The following FAT2 variants were observed in gnomAD, a reference collection of about 807,000 sequenced individuals.
FAT2 encodes FAT atypical cadherin 2, also known as protocadherin Fat 2.
A neutral mutation model predicts 295.3 loss-of-function variants in FAT2; 150 were observed. The observed-to-expected ratio is 0.51, with a 90% CI of 0.44 to 0.58. The LOEUF is 0.58. Ranked by LOEUF, FAT2 falls within the 20% of genes least tolerant of loss-of-function variation. The pLI is 0.00. For missense variants in FAT2, 4,868 were observed against 5,442.7 expected, an observed-to-expected ratio of 0.89 and a Z score of 3.32; for synonymous variants, 2,026 against 2,150.3, an observed-to-expected ratio of 0.94 and a Z score of 1.60.
intron 4 of FAT2, among the ~76,000 whole-genome samples, chr5:151,555,617 G>A (rs945260033): frequency 3.3e-5 from 5 of 152,030 alleles, no homozygotes; most frequent in Admixed American, 1.3e-4. Flanking sequence ...TGATCTGCCC[G>A]CCTCAGCCTC....
In FAT2 at chr5:151,554,648, G is replaced by T. The variant is rs114551196; in HGVS notation, c.3659C>A (p.Pro1220His). The T allele has an allele frequency of 4.3e-4, 696 of 1,613,850 alleles. 2 individuals carry two copies. In the African/African-American group the frequency reaches 7.8e-3, roughly 18 times the overall value. ...CACCCTGGAGGTGGACTTCAGTGAGGGTTCCCCATTGTCCAGCACAGTCAC... is the reference window on the plus strand; with the variant it reads ...CACCCTGGAGGTGGACTTCAGTGAGTGTTCCCCATTGTCCAGCACAGTCAC... ...LEVTVLDNGE[P>H]SLKSTSRVVV... Residue 1220 changes from proline to histidine, a missense_variant, in exon 5 of 24, where the codon CCC (proline) becomes CAC (histidine). Physicochemically the swap from Pro to His is moderately conservative, Grantham distance 77. This residue lies in a region of FAT2 where 3,297 missense variants were observed against 3,669.4 expected (regional missense o/e 0.90). Transcript: ENST00000261800.
chr5:151,585,275 CT>C (rs1290795618), intron 1 of FAT2, among the ~76,000 whole-genome samples: 3 of 152,212 alleles, frequency 2.0e-5, no homozygotes, highest in African/African-American at 7.2e-5. Context: ...GGAATGTCTG[CT>C]TTTTGTGCCA....
At chr5:151,591,634 ACAG>A (rs964467232), upstream of FAT2, among the ~76,000 whole-genome samples, 34 of 123,376 alleles carry the variant, frequency 2.8e-4, no homozygotes, top group African/African-American at 1.0e-3. Context: ...GGCTGTCAGA[ACAG>A]TAGTGTTCTC....
At chr5:151,571,393 C>T (rs1435695395) in intron 1 of FAT2, among the ~76,000 whole-genome samples, 2 of 152,344 alleles carry the variant, frequency 1.3e-5, no homozygotes, top group East Asian at 3.9e-4. Context: ...GCCTCCCAGC[C>T]CTGCCTGCCC....
chr5:151,523,129 T>C (rs1160473368), intron 18 of FAT2, among the ~76,000 whole-genome samples: 2 of 152,106 alleles, frequency 1.3e-5, no homozygotes, highest in Non-Finnish European at 2.9e-5. Flanking sequence ...TCCAACACTT[T>C]TAATGTACAA....
At position 151,550,666 on chromosome 5, in the gene FAT2, G is replaced by C. The variant is rs751662168; in HGVS notation, c.4502C>G (p.Pro1501Arg). 1 of 1,614,206 alleles carries C rather than the reference G, an allele frequency of 6.2e-7. No homozygotes were observed. The highest frequency in any genetic ancestry group is 8.5e-7 in the Non-Finnish European group (1 of 1,180,034). The change falls in exon 8 of 24, where the codon CCA becomes CGA. Residue 1501 changes from proline to arginine, a missense_variant. Physicochemically the swap from Pro to Arg is moderately radical, Grantham distance 103. This residue lies in a region of FAT2 where 3,297 missense variants were observed against 3,669.4 expected (regional missense o/e 0.90). Coordinates refer to ENST00000261800, the MANE Select transcript of FAT2 (RefSeq NM_001447.3). ...CACCGTTACCAGGACACCACTGCTT[G>C]GGTCCAGCTGGAAGAGGCTGGCACT... Reference protein sequence around the residue: ...PGSASLFQLDPSSGVLVTVGK... With the variant: ...PGSASLFQLDRSSGVLVTVGK...
intron 21 of FAT2, chr5:151,511,964 T>C (rs1474119339): frequency 3.4e-6 from 2 of 589,426 alleles, no homozygotes; most frequent in African/African-American, 3.7e-5. Flanking sequence ...AGTAGAAAGA[T>C]AGTTTTTGTT....
chr5:151,515,043 T>C (rs1190377891), intron 20 of FAT2, among the ~76,000 whole-genome samples: 2 of 152,184 alleles, frequency 1.3e-5, no homozygotes, highest in Non-Finnish European at 2.9e-5. Context: ...TTCTTTCCTG[T>C]CCCTTTTCCG....
intron 1 of FAT2, among the ~76,000 whole-genome samples, chr5:151,586,493 T>C (rs1759175301): frequency 6.6e-6 from 1 of 152,218 alleles, no homozygotes; most frequent in South Asian, 2.1e-4. Flanking sequence ...TTTCAGAAGA[T>C]AATTTGTTAA....
At chr5:151,591,042 T>G (rs1040779474) in intron 1 of FAT2, among the ~76,000 whole-genome samples, 123 bp downstream of exon 1, 12 of 152,196 alleles carry the variant, frequency 7.9e-5, no homozygotes, top group African/African-American at 2.4e-4. Flanking sequence ...GTTCCAGCCA[T>G]CTCCTGCTTC....
chr5:151,567,770 G>A lies in FAT2; in HGVS notation c.1162C>T (p.Pro388Ser), dbSNP rs1758347240. 1 of 1,614,024 alleles carries A rather than the reference G, an allele frequency of 6.2e-7. No homozygotes were observed. The highest frequency in any genetic ancestry group is 1.1e-5 in the South Asian group (1 of 91,086). The change falls in exon 2 of 24, where the codon CCA becomes TCA. Residue 388 changes from proline to serine, a missense_variant. By Grantham distance (74) the Pro-to-Ser change is moderately conservative. Transcript: ENST00000261800. ...GSRVVMVRVT[P>S]AFPNLQYVLK... ...ACATACTGCAGGTTGGGGAAGGCTG[G>A]GGTGACTCTCACCATCACCACGCGG...
rs1181018561 is a variant in FAT2, at chr5:151,534,968, AAAATATATAT to A, written c.9194-336_9194-327del. 2.3e-4 allele frequency among the ~76,000 whole-genome samples: 12 copies of A among 52,712 alleles called. 1 individual carries two copies. Among genetic ancestry groups the A allele is most frequent in the South Asian group, 1.0e-3 (1 of 962 alleles). The allele number at this position is 52,712 out of a possible 152,430, so 34.6% of individuals were successfully genotyped here. On this transcript the variant is annotated intron_variant, in intron 12 of 23. Transcript: ENST00000261800. The stretch of plus-strand genomic sequence containing the variant: ...TTTGGTTCGTAATTCCACTTCTAGG[AAAATATATAT>A]ATATATATATATATATATGTATACA...
chr5:151,582,994 C>T (rs1002718707), intron 1 of FAT2, among the ~76,000 whole-genome samples: 2 of 152,202 alleles, frequency 1.3e-5, no homozygotes, highest in African/African-American at 4.8e-5. Context: ...TCTGAGCCTA[C>T]ACATATCACT....
rs201787846 is a variant in FAT2, at chr5:151,507,136, G to A, written c.12517+18C>T. The A allele has an allele frequency of 2.1e-4, 316 of 1,538,730 alleles. No individual in the cohort carries two copies. The East Asian group carries it at 3.7e-3, about 18-fold the overall frequency. On this transcript the variant is annotated intron_variant, in intron 23 of 23. Transcript: ENST00000261800. ...CTTCCATCAATCCCAGAGGCTAAGC[G>A]TCTCTGGCTATACTGACCCATCTCC...
rs1561835088 is a variant in FAT2, at chr5:151,531,705, G to A, written c.9693C>T (p.Ala3231=). The part of the protein sequence containing the change: ...TEHSVQVPED[A]PPGTEVLQLA... The stretch of plus-strand genomic sequence containing the variant: ...GCTGCAGCACCTCCGTGCCAGGTGG[G>A]GCGTCCTCGGGCACCTGCACGCTGT... The change falls in exon 14 of 24, where the codon GCC becomes GCT. Residue 3231 remains alanine, a synonymous_variant. Transcript: ENST00000261800. The surrounding 1 kb of genome is among the most constrained non-coding windows in gnomAD (Gnocchi z 5.7). The A allele has an allele frequency of 6.2e-7, 1 of 1,613,860 alleles. No individual in the cohort carries two copies. Among genetic ancestry groups the A allele is most frequent in the East Asian group, 2.2e-5 (1 of 44,856 alleles).
chr5:151,531,907 G>T lies in FAT2; in HGVS notation c.9491C>A (p.Ala3164Asp). 6.2e-7 allele frequency: 1 copy of T among 1,614,216 alleles called. No individual in the cohort carries two copies. The highest frequency in any genetic ancestry group is 8.5e-7 in the Non-Finnish European group (1 of 1,180,028). Reference protein sequence around the residue: ...DSAEGHFSIDATTGVIRLEKP... With the variant: ...DSAEGHFSIDDTTGVIRLEKP... Reference sequence around the variant, plus strand: ...TTCCAGGCGGATCACCCCCGTGGTGGCGTCGATGGAAAAGTGGCCTTCGGC... The same window carrying T: ...TTCCAGGCGGATCACCCCCGTGGTGTCGTCGATGGAAAAGTGGCCTTCGGC... Residue 3164 changes from alanine to aspartate, a missense_variant, in exon 14 of 24, where the codon GCC (alanine) becomes GAC (aspartate). Around this residue, in one of 5 missense-constraint regions of FAT2, gnomAD observed 1,046 missense variants for 1,210.1 expected, o/e 0.86. Transcript: ENST00000261800. This position sits in a 1 kb window ranked among gnomAD's most constrained non-coding sequence, Gnocchi z 5.7.
At chr5:151,555,177 A>G (rs1243131464) in intron 4 of FAT2, among the ~76,000 whole-genome samples, 1 of 152,172 alleles carries the variant, frequency 6.6e-6, no homozygotes, top group East Asian at 1.9e-4. Flanking sequence ...ATGCAGAGGC[A>G]AATAATCACA....
rs187880964 is a variant in FAT2, at chr5:151,544,296, A to G, written c.6831T>C (p.Tyr2277=). 4 of 1,614,106 alleles carry G rather than the reference A, an allele frequency of 2.5e-6. No individual in the cohort carries two copies. The highest frequency in any genetic ancestry group is 2.2e-5 in the South Asian group (2 of 91,090). ...DNPPTFSQLV[Y]TTSISEGLPA... ...GCAAGCCTTCTGAGATGGAAGTGGT[A>G]TAGACCAATTGGGAAAAAGTGGGAG... The change falls in exon 10 of 24, where the codon TAT becomes TAC. Residue 2277 remains tyrosine (Y), a synonymous_variant. Transcript: ENST00000261800.
intron 16 of FAT2, 62 bp downstream of exon 16, chr5:151,527,934 C>G: frequency 1.3e-6 from 2 of 1,574,644 alleles, no homozygotes; most frequent in Non-Finnish European, 1.7e-6. Context: ...TCTTCTGGAC[C>G]TGCAGTGGGA....
Sources: allele counts gnomAD v4.1 joint callset (sites outside exome capture counted in the v4.1 genomes callset), GRCh38; gene constraint gnomAD v4.1.1; regional missense constraint gnomAD v4.1.1; non-coding constraint Gnocchi (gnomAD v3.1); transcripts MANE v1.5; gene names NCBI Gene and HGNC (gene_info 2026-07-23, HGNC 2026-07-21).